RBFOX1: variants seen among roughly 807,000 people sequenced by gnomAD.
The protein encoded by RBFOX1 is RNA binding fox-1 homolog 1, also known as RNA binding protein fox-1 homolog 1.
In RBFOX1, 8 loss-of-function variants were observed where a neutral mutation model predicts 57.7. That is an observed-to-expected ratio of 0.14 (90% confidence interval 0.08 to 0.25). The LOEUF (loss-of-function observed/expected upper bound fraction) is 0.25. Among genes scored for constraint, RBFOX1 ranks in the 10% least tolerant of loss-of-function variants. RBFOX1 has a pLI of 1.00. For missense variants in RBFOX1, 611 were observed against 548.5 expected (o/e 1.11, Z -1.14); for synonymous variants, 326 against 222.4 (o/e 1.47, Z -4.15).
chr16:6,587,193 G>A (rs186720368), intron 2 of RBFOX1, among the ~76,000 whole-genome samples: 11 of 151,876 alleles, frequency 7.2e-5, no homozygotes, highest in African/African-American at 1.9e-4. Context: ...CCCTCTCTCC[G>A]CACTGGTAAC....
chr16:5,290,289 G>C (rs1228788815), intron 1 of RBFOX1, among the ~76,000 whole-genome samples: 1 of 152,194 alleles, frequency 6.6e-6, no homozygotes, highest in Non-Finnish European at 1.5e-5. Context: ...TTGAACCCGG[G>C]AGGCAGAGGT....
intron 2 of RBFOX1, among the ~76,000 whole-genome samples, chr16:5,502,783 T>C (rs2043244671): frequency 6.6e-6 from 1 of 152,238 alleles, no homozygotes; most frequent in East Asian, 1.9e-4. Context: ...GCTGGAACTT[T>C]ATCAGACCAT....
At chr16:5,454,958 C>CCTTCCTTTCTTTCTTT (rs1567535950) in intron 1 of RBFOX1, among the ~76,000 whole-genome samples, 11 of 30,422 alleles carry the variant, frequency 3.6e-4, no homozygotes, top group South Asian at 2.4e-3. Flanking sequence ...TTCCTTCCTT[C>CCTTCCTTTCTTTCTTT]CTTTCTTTCT....
chr16:7,491,999 C>A (rs997421640), intron 4 of RBFOX1, among the ~76,000 whole-genome samples: 1 of 152,176 alleles, frequency 6.6e-6, no homozygotes, highest in Admixed American at 6.5e-5. Flanking sequence ...TGATAACACT[C>A]TACTCAGCCT....
At chr16:5,440,987 A>G (rs2068067550) in intron 1 of RBFOX1, among the ~76,000 whole-genome samples, 1 of 152,154 alleles carries the variant, frequency 6.6e-6, no homozygotes, top group Admixed American at 6.5e-5. Flanking sequence ...ACGTACCCTT[A>G]TGTATACATT....
chr16:6,562,868 C>CTTTG (rs1567693795), intron 2 of RBFOX1, among the ~76,000 whole-genome samples: 2 of 50,336 alleles, frequency 4.0e-5, no homozygotes, highest in Admixed American at 2.0e-4. Flanking sequence ...TTCTTTCTTT[C>CTTTG]TTTCTTTCTT....
chr16:7,350,484 G>A (rs2097108471), intron 4 of RBFOX1, among the ~76,000 whole-genome samples: 1 of 152,136 alleles, frequency 6.6e-6, no homozygotes, highest in African/African-American at 2.4e-5. Context: ...TAGGGGAAAT[G>A]GCAAACCCCT....
chr16:7,034,765 G>A (rs1164371987), intron 3 of RBFOX1, among the ~76,000 whole-genome samples: 2 of 150,630 alleles, frequency 1.3e-5, no homozygotes. Flanking sequence ...TTGGGGGAGG[G>A]GTCTCAGAAA....
At chr16:6,745,749 C>G (rs191613958) in intron 3 of RBFOX1, among the ~76,000 whole-genome samples, 1 of 152,148 alleles carries the variant, frequency 6.6e-6, no homozygotes, top group African/African-American at 2.4e-5. Context: ...AGGATTTATG[C>G]TTTCACCACT....
intron 9 of RBFOX1, among the ~76,000 whole-genome samples, chr16:7,605,193 A>C (rs965582290): frequency 1.3e-5 from 2 of 152,188 alleles, no homozygotes; most frequent in African/African-American, 4.8e-5. Flanking sequence ...GTGGAATTTC[A>C]GTTGATCAAA....
chr16:5,966,296 T>A (rs2059842099), intron 4 of RBFOX1, among the ~76,000 whole-genome samples: 1 of 152,172 alleles, frequency 6.6e-6, no homozygotes, highest in Admixed American at 6.5e-5. Flanking sequence ...AAGGTTTCAT[T>A]GGCTCATGGT....
chr16:6,405,988 A>G (rs567897207), intron 2 of RBFOX1, among the ~76,000 whole-genome samples: 202 of 152,382 alleles, frequency 1.3e-3, no homozygotes, highest in Middle Eastern at 6.8e-3. Context: ...TACTGTGTGC[A>G]GGAAGGTGAG....
At chr16:6,905,435 C>G (rs2069606697) in intron 3 of RBFOX1, among the ~76,000 whole-genome samples, 2 of 151,944 alleles carry the variant, frequency 1.3e-5, no homozygotes, top group African/African-American at 2.4e-5. Flanking sequence ...CTCCTATAAT[C>G]CCAGCTACTT....
Position 5,893,832 on chromosome 16 carries a change from A to G in RBFOX1, c.351+26497A>G, listed in dbSNP as rs186473360. 8.7e-4 allele frequency among the ~76,000 whole-genome samples: 132 copies of G among 152,178 alleles called. 1 individual carries two copies. Among genetic ancestry groups the G allele is most frequent in the Non-Finnish European group, 1.5e-3 (101 of 67,992 alleles). On this transcript the variant is annotated intron_variant, in intron 4 of 19. Coordinates refer to the RBFOX1 transcript ENST00000641259. ...AAAAAAAAAAAATCTCATGTAACCC[A>G]TAAATATATGCACCTGCTATGTACC...
chr16:7,668,350 G>T (rs1202505697), intron 13 of RBFOX1, among the ~76,000 whole-genome samples: 1 of 152,182 alleles, frequency 6.6e-6, no homozygotes, highest in Non-Finnish European at 1.5e-5. Flanking sequence ...AGAGGAAAGA[G>T]GATTGAACAG....
intron 3 of RBFOX1, among the ~76,000 whole-genome samples, chr16:6,886,215 C>T (rs1047919985): frequency 1.1e-4 from 16 of 152,030 alleles, no homozygotes; most frequent in African/African-American, 3.9e-4. Flanking sequence ...GCGTGTGCTA[C>T]CACGCTTAGC....
chr16:6,961,749 G>A (rs546483123), intron 3 of RBFOX1, among the ~76,000 whole-genome samples: 16 of 152,234 alleles, frequency 1.1e-4, no homozygotes, highest in African/African-American at 3.1e-4. Flanking sequence ...ATTGTTTCAC[G>A]GCGTTTTTAA....
chr16:6,592,745 G>A (rs2097729505), intron 2 of RBFOX1, among the ~76,000 whole-genome samples: 1 of 151,940 alleles, frequency 6.6e-6, no homozygotes, highest in South Asian at 2.1e-4. Flanking sequence ...TGCACAGAGA[G>A]CTCCCCCTGG....
At chr16:7,161,179 C>G (rs1204706782) in intron 4 of RBFOX1, among the ~76,000 whole-genome samples, 2 of 152,226 alleles carry the variant, frequency 1.3e-5, no homozygotes, top group South Asian at 2.1e-4. Flanking sequence ...TTGGAAGTGG[C>G]TATCTGCAGC....
Sources: gnomAD v4.1 joint callset for allele counts (sites outside exome capture counted in the v4.1 genomes callset) on GRCh38, gnomAD v4.1.1 for gene constraint, MANE v1.5 for transcripts, NCBI Gene and HGNC (gene_info 2026-07-23, HGNC 2026-07-21) for gene names.